The following OSTF1 variants were observed in gnomAD, a reference collection of about 807,000 sequenced individuals.
The protein encoded by OSTF1 is osteoclast stimulating factor 1.
A neutral mutation model predicts 37.2 loss-of-function variants in OSTF1; 27 were observed. That is an observed-to-expected ratio of 0.73 (90% confidence interval 0.54 to 1.00). OSTF1 has a LOEUF of 1.00. OSTF1 is among the 50% of genes least tolerant of loss of function. The pLI, the probability that OSTF1 is intolerant of heterozygous loss-of-function variation, is 0.00. For missense variants in OSTF1, 232 were observed against 253.8 expected (o/e 0.91, Z 0.58); for synonymous variants, 82 against 89.2 (o/e 0.92, Z 0.46).
At chr9:75,120,977 C>G (rs932974430) in intron 2 of OSTF1, among the ~76,000 whole-genome samples, 1 of 152,236 alleles carries the variant, frequency 6.6e-6, no homozygotes, top group Non-Finnish European at 1.5e-5. Flanking sequence ...TGCCTCTGAA[C>G]TTCCACACGT....
chr9:75,128,847 C>G (rs1012396944), intron 3 of OSTF1, among the ~76,000 whole-genome samples: 1 of 151,632 alleles, frequency 6.6e-6, no homozygotes, highest in African/African-American at 2.4e-5. Flanking sequence ...ATTCCTTCAT[C>G]TGAATTGCAA....
At chr9:75,139,131 C>T (rs1001258024) in intron 8 of OSTF1, among the ~76,000 whole-genome samples, 2 of 150,404 alleles carry the variant, frequency 1.3e-5, no homozygotes, top group East Asian at 3.9e-4. Context: ...CAACCTCCGC[C>T]TCCAGGGCTC....
Position 75,137,458 on chromosome 9 carries a change from C to T in OSTF1, c.409-80C>T, listed in dbSNP as rs12343370. On this transcript the variant is annotated intron_variant, in intron 7 of 9. Coordinates refer to ENST00000346234, the MANE Select transcript of OSTF1 (RefSeq NM_012383.5). ...TTTTAGGTTTAACTTTTAGGTTTAA[C>T]TGGGTTAAACCTGAATTAACATGTA... 3.2e-3 allele frequency: 2,977 copies of T among 917,506 alleles called. 61 individuals are homozygous for T. In the African/African-American group the frequency reaches 0.042, roughly 13 times the overall value. 56.8% of individuals were successfully genotyped at this position (917,506 alleles called of 1,614,324 possible).
intron 1 of OSTF1, among the ~76,000 whole-genome samples, chr9:75,107,416 G>A (rs962126944): frequency 5.9e-5 from 9 of 152,098 alleles, no homozygotes; most frequent in African/African-American, 1.9e-4. Context: ...AAAGATATAT[G>A]TATAAAGTAT....
chr9:75,140,055 T>C (rs1411353093), intron 8 of OSTF1, among the ~76,000 whole-genome samples: 2 of 152,222 alleles, frequency 1.3e-5, no homozygotes, highest in South Asian at 2.1e-4. Flanking sequence ...GAGTTACAAA[T>C]ATGTGTATTT....
chr9:75,117,991 C>T (rs1053272439), intron 2 of OSTF1, among the ~76,000 whole-genome samples: 4 of 152,146 alleles, frequency 2.6e-5, no homozygotes, highest in Admixed American at 6.5e-5. Flanking sequence ...TTCCGGTATC[C>T]GTCCATTTAT....
Position 75,127,573 on chromosome 9 carries a change from A to G in OSTF1, c.86A>G (p.Asp29Gly), listed in dbSNP as rs1302256275. The G allele has an allele frequency of 1.3e-6, 2 of 1,570,680 alleles. No homozygotes were observed. The highest frequency in any genetic ancestry group is 1.4e-5 in the African/African-American group (1 of 73,176). ...ALYTFEPRTP[D>G]ELYFEEGDII... is the part of the protein sequence containing the mutation. ...AAACTTTTTTTTTTCTTCTAGCCAGATGAATTATACTTTGAGGAAGGTGAT... is the reference window on the plus strand; with the variant it reads ...AAACTTTTTTTTTTCTTCTAGCCAGGTGAATTATACTTTGAGGAAGGTGAT... Residue 29 changes from aspartate (D) to glycine (G), a missense_variant, in exon 3 of 10, where the codon GAT becomes GGT. Physicochemically the swap from Asp to Gly is moderately conservative, Grantham distance 94. Coordinates refer to ENST00000346234, the MANE Select transcript of OSTF1 (RefSeq NM_012383.5).
intron 7 of OSTF1, among the ~76,000 whole-genome samples, chr9:75,134,929 C>G (rs1825819992): frequency 6.6e-6 from 1 of 152,150 alleles, no homozygotes; most frequent in Non-Finnish European, 1.5e-5. Context: ...GACTTCTCTA[C>G]TGTTTTATAC....
At chr9:75,144,840 G>T (rs979619172) in intron 9 of OSTF1, among the ~76,000 whole-genome samples, 1 of 151,962 alleles carries the variant, frequency 6.6e-6, no homozygotes, top group Non-Finnish European at 1.5e-5. Context: ...TTTAAGTCAG[G>T]ATTCACATAA....
Position 75,137,597 on chromosome 9 carries a change from C to T in OSTF1, c.468C>T (p.Val156=). ...CCTGGAAGGGTTATGCAGATATCGT[C>T]CAGTTGCTTCTGGCAAAAGGTAAAG... ...AAAWKGYADI[V]QLLLAKGART... The change falls in exon 8 of 10, where the codon GTC becomes GTT. Residue 156 remains valine, a synonymous_variant. Transcript: ENST00000346234. 1 of 1,611,302 alleles carries T rather than the reference C, an allele frequency of 6.2e-7. No homozygotes were observed. Among genetic ancestry groups the T allele is most frequent in the Non-Finnish European group, 8.5e-7 (1 of 1,177,434 alleles).
intron 9 of OSTF1, among the ~76,000 whole-genome samples, chr9:75,145,838 T>TG (rs1296375255): frequency 5.9e-5 from 9 of 152,160 alleles, no homozygotes; most frequent in Non-Finnish European, 1.2e-4. Context: ...TTTCACGTGA[T>TG]GCTGTCTTTG....
intron 1 of OSTF1, among the ~76,000 whole-genome samples, chr9:75,095,872 A>G (rs1020243301): frequency 4.0e-4 from 60 of 150,884 alleles, no homozygotes; most frequent in African/African-American, 1.4e-3. Flanking sequence ...TAAACAAGTT[A>G]TTGGTGTGAC....
At chr9:75,118,029 G>T (rs1379155209) in intron 2 of OSTF1, among the ~76,000 whole-genome samples, 1 of 152,160 alleles carries the variant, frequency 6.6e-6, no homozygotes, top group Non-Finnish European at 1.5e-5. Flanking sequence ...CCTATTATAT[G>T]CCAGACACTG....
At chr9:75,127,527 C>T (rs201254460) in intron 2 of OSTF1, 42 bp from the exon 3 acceptor site, 49 of 1,125,808 alleles carry the variant, frequency 4.4e-5, no homozygotes, top group Non-Finnish European at 5.6e-5. Context: ...TATTCTAATT[C>T]ATGAAAAATC....
chr9:75,144,851 G>A (rs1587483511), intron 9 of OSTF1, among the ~76,000 whole-genome samples: 1 of 151,976 alleles, frequency 6.6e-6, no homozygotes, highest in Admixed American at 6.6e-5. Context: ...ATTCACATAA[G>A]GTCAGTTTGT....
At chr9:75,113,716 A>C (rs887690519) in intron 1 of OSTF1, among the ~76,000 whole-genome samples, 7 of 152,348 alleles carry the variant, frequency 4.6e-5, no homozygotes, top group African/African-American at 1.7e-4. Flanking sequence ...TATGGTGTAC[A>C]ACATGATGTT....
intron 2 of OSTF1, among the ~76,000 whole-genome samples, chr9:75,123,026 C>T (rs939700324): frequency 2.0e-5 from 3 of 152,148 alleles, no homozygotes; most frequent in Non-Finnish European, 2.9e-5. Context: ...ATATATGTTA[C>T]CAAGTGTGTA....
rs1163759855 is a variant in OSTF1 at position 75,117,557 on chromosome 9, G to A, written c.81+7G>A. On this transcript the variant is annotated splice_region_variant and intron_variant, in intron 2 of 9. Coordinates refer to ENST00000346234, the MANE Select transcript of OSTF1 (RefSeq NM_012383.5). ...TACGTTTGAACCCAGAACTGTAAGT[G>A]TTCAGTTTTTAACTTCTAAAATTGA... 1.4e-5 allele frequency: 22 copies of A among 1,597,882 alleles called. No homozygotes were observed. Among genetic ancestry groups the A allele is most frequent in the Middle Eastern group, 1.7e-4 (1 of 6,054 alleles).
intron 8 of OSTF1, among the ~76,000 whole-genome samples, chr9:75,139,507 C>T (rs899660059): frequency 2.0e-5 from 3 of 152,164 alleles, no homozygotes; most frequent in African/African-American, 7.2e-5. Flanking sequence ...TGGCTCATTG[C>T]AGTCTCCGCC....
Sources: allele counts gnomAD v4.1 joint callset (sites outside exome capture counted in the v4.1 genomes callset), GRCh38; gene constraint gnomAD v4.1.1; transcripts MANE v1.5; gene names NCBI Gene and HGNC (gene_info 2026-07-23, HGNC 2026-07-21).